ZFPM2: variants seen among roughly 807,000 people sequenced by gnomAD.
The protein encoded by ZFPM2 is zinc finger protein ZFPM2.
In ZFPM2, 20 loss-of-function variants were observed where a neutral mutation model predicts 98.6. That is an observed-to-expected ratio of 0.20 (90% CI 0.14 to 0.29). ZFPM2 has a LOEUF of 0.29. Ranked by LOEUF, ZFPM2 falls within the 10% of genes least tolerant of loss-of-function variation. The pLI is 1.00. For missense variants in ZFPM2, 1,310 were observed against 1,388.6 expected, an observed-to-expected ratio of 0.94 and a Z score of 0.90; for synonymous variants, 518 against 502.7, an observed-to-expected ratio of 1.03 and a Z score of -0.41.
intron 1 of ZFPM2, among the ~76,000 whole-genome samples, chr8:105,382,776 A>G (rs7819341): frequency 0.47 from 71,739 of 151,954 alleles, 18,066 homozygotes; most frequent in Admixed American, 0.56. Flanking sequence ...TAGTTCCCCT[A>G]AAACCTGACA....
chr8:105,549,146 C>T (rs1370029527), intron 3 of ZFPM2, among the ~76,000 whole-genome samples: 1 of 152,094 alleles, frequency 6.6e-6, no homozygotes, highest in African/African-American at 2.4e-5. Flanking sequence ...TTCATTTCCT[C>T]CTCCTCTTCT....
intron 3 of ZFPM2, among the ~76,000 whole-genome samples, chr8:105,514,001 GTCTT>G (rs1366155139): frequency 1.7e-5 from 2 of 116,014 alleles, no homozygotes; most frequent in Non-Finnish European, 3.3e-5. Context: ...GGTCCGGAGT[GTCTT>G]TTTTTTTTTT....
intron 3 of ZFPM2, among the ~76,000 whole-genome samples, chr8:105,492,627 C>G (rs1257766429): frequency 6.6e-6 from 1 of 152,076 alleles, no homozygotes; most frequent in Non-Finnish European, 1.5e-5. Context: ...TGAGATTTTA[C>G]TATTTGCTTA....
intron 3 of ZFPM2, among the ~76,000 whole-genome samples, chr8:105,509,734 AT>A (rs763527306): frequency 6.6e-6 from 1 of 151,826 alleles, no homozygotes; most frequent in Admixed American, 6.6e-5. Context: ...ACTTTTTATC[AT>A]TTTTTTAACC....
chr8:105,408,162 G>C (rs1324123841), intron 1 of ZFPM2, among the ~76,000 whole-genome samples: 6 of 151,900 alleles, frequency 3.9e-5, no homozygotes, highest in African/African-American at 1.4e-4. Context: ...AGCTAGTTTT[G>C]TTATCACACC....
At chr8:105,645,006 C>G (rs1320696657) in intron 5 of ZFPM2, among the ~76,000 whole-genome samples, 3 of 152,058 alleles carry the variant, frequency 2.0e-5, no homozygotes, top group Non-Finnish European at 4.4e-5. Flanking sequence ...TGATTATTGA[C>G]CAAAGAATTT....
chr8:105,604,747 A>G (rs1004930003), intron 4 of ZFPM2, among the ~76,000 whole-genome samples: 1 of 152,052 alleles, frequency 6.6e-6, no homozygotes, highest in Admixed American at 6.6e-5. Flanking sequence ...TCTCTCTGAT[A>G]CAGAGCATTC....
chr8:105,692,102 ATGAACATAGTGAGT>A (rs1288448864), intron 5 of ZFPM2, among the ~76,000 whole-genome samples: 13 of 152,326 alleles, frequency 8.5e-5, no homozygotes, highest in Non-Finnish European at 1.8e-4. Flanking sequence ...TGAATCTACT[ATGAACATAGTGAGT>A]TGTGATTTAT....
chr8:105,573,249 G>T (rs901160595), intron 4 of ZFPM2, among the ~76,000 whole-genome samples: 2 of 152,166 alleles, frequency 1.3e-5, no homozygotes, highest in Admixed American at 1.3e-4. Context: ...AAAAGCCACA[G>T]TGCTTTGGTA....
At chr8:105,559,693 A>G (rs1815086249) in intron 3 of ZFPM2, among the ~76,000 whole-genome samples, 1 of 152,178 alleles carries the variant, frequency 6.6e-6, no homozygotes, top group Non-Finnish European at 1.5e-5. Context: ...TGAAAACATG[A>G]ACAATAATGT....
Position 105,318,840 on chromosome 8 carries a change from TG to T in ZFPM2, c.-100del. The T allele has an allele frequency of 1.9e-6, 1 of 529,334 alleles. No homozygotes were observed. 32.8% of individuals were successfully genotyped at this position (529,334 alleles called of 1,614,324 possible). ...AGTCCGGCCGGCGGCGGGCCGAGCC[TG>T]GCCAGCGGCGGCGGCGGCGGCGGCG... On this transcript the variant is annotated 5_prime_UTR_variant, in exon 1 of 8. Coordinates refer to ENST00000407775, the MANE Select transcript of ZFPM2 (RefSeq NM_012082.4).
intron 5 of ZFPM2, among the ~76,000 whole-genome samples, chr8:105,710,743 A>G (rs1322262792): frequency 2.0e-5 from 3 of 151,392 alleles, no homozygotes; most frequent in Admixed American, 1.3e-4. Context: ...AGTGGTTATT[A>G]GAGCTGACTT....
intron 5 of ZFPM2, among the ~76,000 whole-genome samples, chr8:105,700,438 A>G (rs1009288019): frequency 1.3e-5 from 2 of 152,204 alleles, no homozygotes; most frequent in African/African-American, 4.8e-5. Context: ...TTAATAATAC[A>G]TATTAGATAC....
At chr8:105,473,529 C>G (rs796805674) in intron 3 of ZFPM2, among the ~76,000 whole-genome samples, 14 of 152,268 alleles carry the variant, frequency 9.2e-5, no homozygotes, top group African/African-American at 3.4e-4. Flanking sequence ...GATTCGAGAT[C>G]TATTCAATTC....
chr8:105,802,453 T>G lies in ZFPM2; in HGVS notation c.2371T>G (p.Phe791Val). ...GTGCTACCACCCAAGATGTGATATC[T>G]TTCCAGGAATTGTCTCTAAACACTT... is the stretch of plus-strand genomic sequence containing the variant. ...GECYHPRCDI[F>V]PGIVSKHLET... Residue 791 changes from phenylalanine (F) to valine (V), a missense_variant, in exon 8 of 8, where the codon TTT becomes GTT. Coordinates refer to ENST00000407775, the MANE Select transcript of ZFPM2 (RefSeq NM_012082.4). The G allele has an allele frequency of 6.2e-7, 1 of 1,613,692 alleles. No individual in the cohort carries two copies. Among genetic ancestry groups the G allele is most frequent in the South Asian group, 1.1e-5 (1 of 91,054 alleles).
At chr8:105,551,085 A>T (rs545140318) in intron 3 of ZFPM2, among the ~76,000 whole-genome samples, 1 of 152,352 alleles carries the variant, frequency 6.6e-6, no homozygotes, top group South Asian at 2.1e-4. Context: ...AACTGTAGAA[A>T]TAAGCAACTT....
At chr8:105,509,918 G>A (rs572203797) in intron 3 of ZFPM2, among the ~76,000 whole-genome samples, 2 of 152,292 alleles carry the variant, frequency 1.3e-5, no homozygotes, top group South Asian at 2.1e-4. Context: ...TTAAAATAAA[G>A]TAGGCAATTT....
At chr8:105,779,059 AACTT>A (rs1283775834) in intron 5 of ZFPM2, among the ~76,000 whole-genome samples, 2 of 152,162 alleles carry the variant, frequency 1.3e-5, no homozygotes, top group Non-Finnish European at 2.9e-5. Flanking sequence ...GTCATTAACT[AACTT>A]TTAAATGTCT....
At chr8:105,572,094 A>G (rs1041291902) in intron 4 of ZFPM2, among the ~76,000 whole-genome samples, 4 of 143,058 alleles carry the variant, frequency 2.8e-5, no homozygotes, top group African/African-American at 1.1e-4. Context: ...CTGGAGTGCA[A>G]TGGTGCGATC....
Sources: gnomAD v4.1 joint callset for allele counts (sites outside exome capture counted in the v4.1 genomes callset) on GRCh38, gnomAD v4.1.1 for gene constraint, MANE v1.5 for transcripts, NCBI Gene and HGNC (gene_info 2026-07-23, HGNC 2026-07-21) for gene names.